The following USP9X variants were observed in gnomAD, a reference collection of about 807,000 sequenced individuals.
The protein encoded by USP9X is ubiquitin carboxyl-terminal hydrolase 9X.
A neutral mutation model predicts 190.3 loss-of-function variants in USP9X; 7 were observed. The ratio of observed to expected loss-of-function variants is 0.04; its 90% CI spans 0.02 to 0.07. The LOEUF (loss-of-function observed/expected upper bound fraction) is 0.07. USP9X is among the 10% of genes least tolerant of loss of function. The pLI is 1.00. For missense variants in USP9X, 1,010 were observed against 1,916.9 expected (o/e 0.53, Z 8.83); for synonymous variants, 645 against 659.5 (o/e 0.98, Z 0.34).
At chrX:41,125,684 A>ACACACACACACTCTCTCTCTCTCTCTCT in intron 2 of USP9X, among the ~76,000 whole-genome samples, 1 of 19,019 alleles carries the variant, frequency 5.3e-5, no homozygotes, top group Non-Finnish European at 9.0e-5. Context: ...ACACACACAC[A>ACACACACACACTCTCTCTCTCTCTCTCT]CTCTCTCTCT....
intron 13 of USP9X, among the ~76,000 whole-genome samples, chrX:41,152,370 A>G (rs2062536467): frequency 9.0e-6 from 1 of 111,637 alleles, no homozygotes; most frequent in Non-Finnish European, 1.9e-5. Context: ...TCTCCCCTAA[A>G]ATAGTAGTAG....
At chrX:41,122,544 A>G (rs1228150467) in intron 1 of USP9X, among the ~76,000 whole-genome samples, 1 of 111,895 alleles carries the variant, frequency 8.9e-6, no homozygotes, top group Non-Finnish European at 1.9e-5. Context: ...ACAGGTGAGC[A>G]GGTACAGGAG....
At chrX:41,212,833 C>G (rs1407410691) in intron 33 of USP9X, among the ~76,000 whole-genome samples, 1 of 111,622 alleles carries the variant, frequency 9.0e-6, no homozygotes, top group Non-Finnish European at 1.9e-5. Context: ...AAATTTCTAG[C>G]AAGTTATAGT....
intron 1 of USP9X, among the ~76,000 whole-genome samples, chrX:41,102,777 A>T (rs2062043530): frequency 9.6e-6 from 1 of 103,968 alleles, no homozygotes; most frequent in Middle Eastern, 4.6e-3. Context: ...AAAAGCTGTT[A>T]ACAGATAACT....
At chrX:41,213,467 G>A (rs918525344) in intron 33 of USP9X, among the ~76,000 whole-genome samples, 8 of 112,038 alleles carry the variant, frequency 7.1e-5, no homozygotes, top group Non-Finnish European at 1.3e-4. Flanking sequence ...CTAGGCTAAA[G>A]CTATGATGTT....
chrX:41,205,638 T>G (rs1277182928), intron 32 of USP9X, 145 bp downstream of exon 32: 4 of 481,746 alleles, frequency 8.3e-6, no homozygotes, highest in African/African-American at 7.6e-5. Flanking sequence ...GGTGGGTTTT[T>G]TTTTTTTTTT....
intron 14 of USP9X, among the ~76,000 whole-genome samples, chrX:41,155,214 G>C (rs1303151154): frequency 9.0e-6 from 1 of 111,413 alleles, no homozygotes. Context: ...CATTTCCTCA[G>C]TAAGCATGAT....
Position 41,136,863 on chromosome X carries a change from A to C in USP9X, c.495A>C (p.Gln165His). The C allele has an allele frequency of 8.3e-7, 1 of 1,211,695 alleles. No individual in the cohort carries two copies. The highest frequency in any genetic ancestry group is 1.8e-5 in the South Asian group (1 of 56,995). The change falls in exon 6 of 45, where the codon CAA becomes CAC. Residue 165 changes from glutamine to histidine, a missense_variant. By Grantham distance (24) the Gln-to-His change is conservative (BLOSUM62 0). This residue lies in a region of USP9X where 176 missense variants were observed against 247.5 expected (regional missense o/e 0.71). Coordinates refer to ENST00000378308, the MANE Select transcript of USP9X (RefSeq NM_001039591.3). ...LVELCVAKLS[Q>H]DWFPLLELLA... is the part of the protein sequence containing the mutation. ...AGCTATGTGTGGCCAAGTTGTCCCA[A>C]GACTGGTTTCCACTTTTAGAACTTC...
chrX:41,092,401 AG>A (rs2061961132), intron 1 of USP9X, among the ~76,000 whole-genome samples: 1 of 111,325 alleles, frequency 9.0e-6, no homozygotes, highest in Non-Finnish European at 1.9e-5. Context: ...CTTGGACCCC[AG>A]AGAGCATGGA....
intron 33 of USP9X, among the ~76,000 whole-genome samples, chrX:41,213,141 T>C (rs746921918): frequency 2.7e-5 from 3 of 111,218 alleles, no homozygotes; most frequent in Admixed American, 9.6e-5. Context: ...TAGTCTTATT[T>C]TTTTAACTAG....
Position 41,137,061 on chromosome X carries a change from T to TG in USP9X, c.654+39_654+40insG, listed in dbSNP as rs761834056. 31 of 1,120,285 alleles carry TG rather than the reference T, an allele frequency of 2.8e-5. No individual in the cohort carries two copies. The South Asian group carries it at 5.9e-4, about 21-fold the overall frequency. The allele number at this position is 1,120,285 out of a possible 1,213,427, so 92.3% of individuals were successfully genotyped here. ...TTATTTTCAAAATTAAATAATACAA[T>TG]TGTTTTGTTCTGACACAGAATCTTC... On this transcript the variant is annotated intron_variant, in intron 6 of 44. Transcript: ENST00000378308.
chrX:41,115,738 A>G (rs1335064502), intron 1 of USP9X, among the ~76,000 whole-genome samples: 1 of 112,214 alleles, frequency 8.9e-6, no homozygotes, highest in Admixed American at 9.5e-5. Context: ...TTGAATGACT[A>G]AGCTTTGAGT....
At chrX:41,124,105 T>C (rs1030020893) in intron 2 of USP9X, among the ~76,000 whole-genome samples, 1 of 110,377 alleles carries the variant, frequency 9.1e-6, no homozygotes, top group African/African-American at 3.3e-5. Flanking sequence ...TGATGGAACA[T>C]GTTCTAAATA....
intron 1 of USP9X, among the ~76,000 whole-genome samples, chrX:41,093,932 G>A (rs2061971125): frequency 8.9e-6 from 1 of 111,792 alleles, no homozygotes; most frequent in African/African-American, 3.3e-5. Flanking sequence ...TCACATTTTC[G>A]GGAATGTGAA....
At chrX:41,225,486 A>C (rs752684132) in intron 41 of USP9X, among the ~76,000 whole-genome samples, 15 of 112,076 alleles carry the variant, frequency 1.3e-4, no homozygotes, top group African/African-American at 3.9e-4. Flanking sequence ...AGAATTAGTC[A>C]CTTGAAGCAA....
intron 1 of USP9X, among the ~76,000 whole-genome samples, chrX:41,090,264 G>GA (rs1304297821): frequency 3.6e-5 from 4 of 110,057 alleles, no homozygotes; most frequent in African/African-American, 1.3e-4. Context: ...TTAAATTATA[G>GA]AAAATGAGAC....
intron 12 of USP9X, 140 bp downstream of exon 12, chrX:41,148,715 T>A: frequency 1.7e-6 from 1 of 578,979 alleles, no homozygotes; most frequent in Non-Finnish European, 2.7e-6. Flanking sequence ...TTCATTAGTC[T>A]GCTTTCCTTA....
chrX:41,205,891 T>TC (rs2063089515), intron 32 of USP9X, among the ~76,000 whole-genome samples: 4 of 99,528 alleles, frequency 4.0e-5, no homozygotes, highest in South Asian at 4.4e-4. Flanking sequence ...CTTTTTCTTT[T>TC]TTTCTTTTTT....
intron 21 of USP9X, among the ~76,000 whole-genome samples, chrX:41,182,109 G>T (rs1365432267): frequency 8.9e-6 from 1 of 112,004 alleles, no homozygotes; most frequent in Non-Finnish European, 1.9e-5. Context: ...ACCGGGTCAC[G>T]CTGGTAATCC....
Sources: allele counts gnomAD v4.1 joint callset (sites outside exome capture counted in the v4.1 genomes callset), GRCh38; gene constraint gnomAD v4.1.1; regional missense constraint gnomAD v4.1.1; transcripts MANE v1.5; gene names NCBI Gene and HGNC (gene_info 2026-07-23, HGNC 2026-07-21).